CEP128: variants seen among roughly 807,000 people sequenced by gnomAD.
CEP128 encodes the protein centrosomal protein 128kDa.
A neutral mutation model predicts 156.7 loss-of-function variants in CEP128; 132 were observed. The ratio of observed to expected loss-of-function variants is 0.84; its 90% CI spans 0.73 to 0.97. The LOEUF (loss-of-function observed/expected upper bound fraction) is 0.97, where lower values mean the gene tolerates loss of function less well. Ranked by LOEUF, CEP128 falls within the 50% of genes least tolerant of loss-of-function variation. CEP128 has a pLI of 0.00. For missense variants in CEP128, 1,252 were observed against 1,281.9 expected, an observed-to-expected ratio of 0.98 and a Z score of 0.36; for synonymous variants, 469 against 448.9, an observed-to-expected ratio of 1.04 and a Z score of -0.57.
chr14:80,879,664 G>A (rs148211741), intron 8 of CEP128, among the ~76,000 whole-genome samples: 55 of 151,908 alleles, frequency 3.6e-4, no homozygotes, highest in African/African-American at 1.2e-3. Context: ...AAAAAAGAAC[G>A]AAAAAGAGTA....
At chr14:80,546,232 T>A (rs1889979153) in intron 21 of CEP128, among the ~76,000 whole-genome samples, 2 of 152,172 alleles carry the variant, frequency 1.3e-5, no homozygotes, top group Admixed American at 1.3e-4. Context: ...CATTGTCTCA[T>A]TTGACCTTCT....
At chr14:80,703,781 T>A (rs1363880484) in intron 19 of CEP128, among the ~76,000 whole-genome samples, 1 of 151,898 alleles carries the variant, frequency 6.6e-6, no homozygotes, top group Non-Finnish European at 1.5e-5. Context: ...TTACCCACAC[T>A]TGTGTGTGTG....
chr14:80,493,935 G>A (rs137872128), downstream of CEP128, among the ~76,000 whole-genome samples: 4 of 152,254 alleles, frequency 2.6e-5, no homozygotes, highest in Non-Finnish European at 4.4e-5. Context: ...CAAAAGCTAC[G>A]GTGACTTTTC....
Position 80,785,176 on chromosome 14 carries a change from G to C in CEP128, c.1930C>G (p.Arg644Gly). Residue 644 changes from arginine to glycine, a missense_variant, in exon 15 of 25, where the codon CGA becomes GGA. Transcript: ENST00000555265. ...GCCAATTTATTAGCAAGATCTGCTC[G>C]GATGGCACTCAGGTCCTTGATGGAC... ...QESIKDLSAI[R>G]ADLANKLAEE... 2 of 1,614,152 alleles carry C rather than the reference G, an allele frequency of 1.2e-6. No individual in the cohort carries two copies. Among genetic ancestry groups the C allele is most frequent in the Non-Finnish European group, 1.7e-6 (2 of 1,180,006 alleles).
At chr14:80,570,460 G>A (rs1891092406) in intron 20 of CEP128, among the ~76,000 whole-genome samples, 1 of 152,048 alleles carries the variant, frequency 6.6e-6, no homozygotes, top group African/African-American at 2.4e-5. Context: ...CCAGTAGGAG[G>A]ATATCATTAA....
At chr14:80,671,907 G>A (rs1448875265) in intron 19 of CEP128, among the ~76,000 whole-genome samples, 1 of 151,724 alleles carries the variant, frequency 6.6e-6, no homozygotes, top group East Asian at 1.9e-4. Flanking sequence ...GAGGGGACAG[G>A]TGGGGTAGAA....
At chr14:80,845,382 T>C (rs1886547191) in intron 9 of CEP128, among the ~76,000 whole-genome samples, 1 of 152,162 alleles carries the variant, frequency 6.6e-6, no homozygotes, top group East Asian at 1.9e-4. Flanking sequence ...GCCCAACAAG[T>C]GCACTTTCCA....
intron 4 of CEP128, among the ~76,000 whole-genome samples, chr14:80,913,940 A>C (rs1884398350): frequency 1.3e-5 from 2 of 152,232 alleles, no homozygotes; most frequent in Non-Finnish European, 2.9e-5. Flanking sequence ...AAAATTAAAA[A>C]GGGGCTTTGA....
chr14:80,779,557 G>A (rs532535988), intron 15 of CEP128, among the ~76,000 whole-genome samples: 1 of 152,260 alleles, frequency 6.6e-6, no homozygotes, highest in South Asian at 2.1e-4. Context: ...AGTCTGTAGT[G>A]TGCTGCAGCC....
At chr14:80,873,801 C>T (rs188609564) in intron 8 of CEP128, among the ~76,000 whole-genome samples, 59 of 151,762 alleles carry the variant, frequency 3.9e-4, no homozygotes, top group African/African-American at 1.3e-3. Context: ...GCACTATTCC[C>T]GTGATATTTT....
intron 24 of CEP128, among the ~76,000 whole-genome samples, chr14:80,503,147 A>T (rs1048048413): frequency 6.6e-6 from 1 of 152,176 alleles, no homozygotes; most frequent in Admixed American, 6.5e-5. Flanking sequence ...CAGTTAATTA[A>T]TTTACTAATT....
chr14:80,673,409 C>G (rs1195827179), intron 19 of CEP128, among the ~76,000 whole-genome samples: 1 of 151,352 alleles, frequency 6.6e-6, no homozygotes, highest in Non-Finnish European at 1.5e-5. Flanking sequence ...TTTGGGAGGC[C>G]GAGGCGGGCG....
intron 20 of CEP128, among the ~76,000 whole-genome samples, chr14:80,563,267 T>C (rs1890765965): frequency 6.6e-6 from 1 of 151,868 alleles, no homozygotes; most frequent in South Asian, 2.1e-4. Context: ...GCTAGAACAA[T>C]GAAAGGGCAT....
intron 8 of CEP128, chr14:80,894,517 T>C (rs117291528): frequency 0.016 from 6,789 of 427,700 alleles, 81 homozygotes; most frequent in Middle Eastern, 0.046. Flanking sequence ...GAAGGTGCCC[T>C]TGGTACATCC....
intron 21 of CEP128, among the ~76,000 whole-genome samples, chr14:80,551,157 G>C (rs932023802): frequency 2.6e-5 from 4 of 152,082 alleles, no homozygotes; most frequent in African/African-American, 4.8e-5. Context: ...TTTTGACTTT[G>C]TTGAAAGCAA....
intron 19 of CEP128, among the ~76,000 whole-genome samples, chr14:80,696,511 GAGCTGATAA>G (rs1249376579): frequency 2.0e-5 from 3 of 152,150 alleles, no homozygotes; most frequent in African/African-American, 7.2e-5. Flanking sequence ...AGCGTAAAAA[GAGCTGATAA>G]AGGAGGTTGG....
chr14:80,645,906 A>G (rs1894610468), intron 19 of CEP128, among the ~76,000 whole-genome samples: 1 of 152,196 alleles, frequency 6.6e-6, no homozygotes, highest in African/African-American at 2.4e-5. Flanking sequence ...ATGAGCTATA[A>G]AGCCATGAAA....
intron 16 of CEP128, among the ~76,000 whole-genome samples, chr14:80,772,466 C>T (rs1452801575): frequency 1.3e-5 from 2 of 152,188 alleles, no homozygotes; most frequent in South Asian, 2.1e-4. Flanking sequence ...CCACCTCCAT[C>T]ACTCAATAAA....
At chr14:80,842,586 C>T (rs1886396262) in intron 9 of CEP128, among the ~76,000 whole-genome samples, 1 of 151,980 alleles carries the variant, frequency 6.6e-6, no homozygotes, top group African/African-American at 2.4e-5. Flanking sequence ...ATCAAAATCA[C>T]AAGCCATTTC....
Sources: allele counts gnomAD v4.1 joint callset (sites outside exome capture counted in the v4.1 genomes callset), GRCh38; gene constraint gnomAD v4.1.1; transcripts MANE v1.5; gene names NCBI Gene and HGNC (gene_info 2026-07-23, HGNC 2026-07-21).